KDM4C: variants seen among roughly 807,000 people sequenced by gnomAD.
KDM4C encodes the protein lysine-specific demethylase 4C.
KDM4C carries 81 observed loss-of-function variants against 129.3 expected under a neutral mutation model. That is an observed-to-expected ratio of 0.63 (90% CI 0.52 to 0.75). KDM4C has a LOEUF of 0.75. Ranked by LOEUF, KDM4C falls within the 30% of genes least tolerant of loss-of-function variation. The pLI is 0.00. For synonymous variants in KDM4C, 573 were observed against 456.1 expected, an observed-to-expected ratio of 1.26 and a Z score of -3.26; for missense variants, 1,457 against 1,304.0, an observed-to-expected ratio of 1.12 and a Z score of -1.81.
At chr9:6,810,164 A>C (rs1207372621) in intron 3 of KDM4C, among the ~76,000 whole-genome samples, 1 of 152,178 alleles carries the variant, frequency 6.6e-6, no homozygotes, top group Non-Finnish European at 1.5e-5. Context: ...TGATTATTTC[A>C]GCATGGTATC....
rs534914601 is a variant in KDM4C, at chr9:6,986,401, C to G, written c.1412C>G (p.Ala471Gly). 4 of 1,613,888 alleles carry G rather than the reference C, an allele frequency of 2.5e-6. No individual in the cohort carries two copies. Among genetic ancestry groups the G allele is most frequent in the East Asian group, 4.5e-5 (2 of 44,882 alleles). ...GACATAAAAACTGAGGATGACAAAG[C>G]TTATGCATATAGAAGTGTACCTTCT... is the stretch of plus-strand genomic sequence containing the variant. Reference protein sequence around the residue: ...TEDIKTEDDKAYAYRSVPSIS... With the variant: ...TEDIKTEDDKGYAYRSVPSIS... Residue 471 changes from alanine (A) to glycine (G), a missense_variant, in exon 11 of 22, where the codon GCT (alanine) becomes GGT (glycine). Ala to Gly is a moderately conservative substitution (Grantham distance 60). Coordinates refer to ENST00000381309, the MANE Select transcript of KDM4C (RefSeq NM_015061.6).
At chr9:6,733,296 A>G (rs1488352525) in intron 1 of KDM4C, among the ~76,000 whole-genome samples, 1 of 152,222 alleles carries the variant, frequency 6.6e-6, no homozygotes, top group Non-Finnish European at 1.5e-5. Flanking sequence ...GCTGGGTCAC[A>G]ATTGCCTACA....
intron 4 of KDM4C, chr9:6,835,654 T>G: frequency 1.3e-6 from 1 of 748,728 alleles, no homozygotes; most frequent in Non-Finnish European, 2.4e-6. Flanking sequence ...GAGATTGGCA[T>G]GGCTTTATTT....
intron 12 of KDM4C, among the ~76,000 whole-genome samples, chr9:7,003,066 A>T (rs895527006): frequency 6.6e-6 from 1 of 152,130 alleles, no homozygotes; most frequent in African/African-American, 2.4e-5. Flanking sequence ...GGATTTCACC[A>T]TGTTTGTCAG....
chr9:6,822,750 A>C (rs1833245408), intron 4 of KDM4C, among the ~76,000 whole-genome samples: 1 of 152,250 alleles, frequency 6.6e-6, no homozygotes, highest in Non-Finnish European at 1.5e-5. Flanking sequence ...AAGATAAAAG[A>C]GGGACTGAGA....
At chr9:6,906,583 A>C (rs1036592186) in intron 8 of KDM4C, among the ~76,000 whole-genome samples, 4 of 152,226 alleles carry the variant, frequency 2.6e-5, no homozygotes, top group Admixed American at 1.3e-4. Flanking sequence ...GGACAACTAC[A>C]GGCACATGCC....
intron 15 of KDM4C, among the ~76,000 whole-genome samples, chr9:7,033,407 A>G (rs1004896389): frequency 1.2e-4 from 19 of 152,296 alleles, no homozygotes; most frequent in African/African-American, 3.1e-4. Context: ...TTTGGCTTCA[A>G]AATCACCTCT....
chr9:6,834,907 C>T (rs955926537), intron 4 of KDM4C: 55 of 1,214,670 alleles, frequency 4.5e-5, no homozygotes, highest in Middle Eastern at 3.8e-4. Flanking sequence ...CCACTGGTAC[C>T]GTGATGGACT....
intron 5 of KDM4C, among the ~76,000 whole-genome samples, chr9:6,875,107 C>T (rs759428898): frequency 1.1e-4 from 16 of 152,038 alleles, no homozygotes; most frequent in South Asian, 4.1e-4. Context: ...TTTCTGCTTT[C>T]GTGATTTTTT....
At chr9:7,017,487 A>G (rs1442067077) in intron 15 of KDM4C, among the ~76,000 whole-genome samples, 1 of 152,160 alleles carries the variant, frequency 6.6e-6, no homozygotes, top group African/African-American at 2.4e-5. Context: ...GAAGAAAATA[A>G]TAATAATAAT....
At chr9:6,939,802 C>T (rs1479681494) in intron 8 of KDM4C, among the ~76,000 whole-genome samples, 1 of 152,172 alleles carries the variant, frequency 6.6e-6, no homozygotes, top group East Asian at 1.9e-4. Flanking sequence ...GCAAGTGATT[C>T]CGTCCCTCTC....
intron 8 of KDM4C, among the ~76,000 whole-genome samples, chr9:6,910,916 A>G (rs12235748): frequency 0.061 from 9,277 of 152,254 alleles, 489 homozygotes; most frequent in East Asian, 0.2. Context: ...TGATATGTGT[A>G]GATAGATGTT....
chr9:6,789,209 G>T (rs1002150961), intron 1 of KDM4C, among the ~76,000 whole-genome samples: 1 of 137,336 alleles, frequency 7.3e-6, no homozygotes, highest in Non-Finnish European at 1.5e-5. Context: ...TCACCATCAC[G>T]CCTGGCTAAT....
chr9:7,087,050 A>G (rs1171187671), intron 17 of KDM4C, among the ~76,000 whole-genome samples: 1 of 151,150 alleles, frequency 6.6e-6, no homozygotes, highest in Non-Finnish European at 1.5e-5. Context: ...TGAATCAAGT[A>G]GGTGGACAAC....
chr9:7,106,695 ATG>A (rs1837729781), intron 18 of KDM4C, among the ~76,000 whole-genome samples: 3 of 152,106 alleles, frequency 2.0e-5, no homozygotes, highest in Admixed American at 6.6e-5. Context: ...AGTTCTCATT[ATG>A]TTGTACAGGC....
chr9:6,780,604 A>C (rs1203095784), intron 1 of KDM4C, among the ~76,000 whole-genome samples: 3 of 151,686 alleles, frequency 2.0e-5, no homozygotes, highest in Non-Finnish European at 4.4e-5. Context: ...TTGTCTCTAC[A>C]AAAAATACGA....
intron 5 of KDM4C, among the ~76,000 whole-genome samples, chr9:6,854,993 G>A (rs1369296469): frequency 6.6e-6 from 1 of 152,172 alleles, no homozygotes. Flanking sequence ...AGGCAATTGT[G>A]TGGATTAAAT....
intron 19 of KDM4C, among the ~76,000 whole-genome samples, chr9:7,160,467 T>C (rs780013613): frequency 2.0e-5 from 3 of 152,244 alleles, no homozygotes; most frequent in Non-Finnish European, 4.4e-5. Context: ...TTTGTGGTTT[T>C]ATCTACCTTT....
chr9:6,844,987 C>T (rs1163800758), intron 4 of KDM4C, among the ~76,000 whole-genome samples: 1 of 152,146 alleles, frequency 6.6e-6, no homozygotes, highest in African/African-American at 2.4e-5. Flanking sequence ...TGCGCCCAGC[C>T]TAGGACCCAT....
Sources: allele counts gnomAD v4.1 joint callset (sites outside exome capture counted in the v4.1 genomes callset), GRCh38; gene constraint gnomAD v4.1.1; transcripts MANE v1.5; gene names NCBI Gene and HGNC (gene_info 2026-07-23, HGNC 2026-07-21).